THSD7A: variants seen among roughly 807,000 people sequenced by gnomAD.
THSD7A encodes the protein thrombospondin type 1 domain containing 7A.
THSD7A carries 96 observed loss-of-function variants against 231.3 expected under a neutral mutation model. That is an observed-to-expected ratio of 0.41 (90% CI 0.35 to 0.49). THSD7A has a LOEUF of 0.49. Ranked by LOEUF, THSD7A falls within the 20% of genes least tolerant of loss-of-function variation. THSD7A has a pLI of 0.05. For synonymous variants in THSD7A, 940 were observed against 743.3 expected (o/e 1.26, Z -4.30); for missense variants, 2,290 against 2,070.2 (o/e 1.11, Z -2.06).
At chr7:11,450,746 G>GT (rs1230781776) in intron 11 of THSD7A, among the ~76,000 whole-genome samples, 8 of 151,932 alleles carry the variant, frequency 5.3e-5, no homozygotes, top group Non-Finnish European at 1.2e-4. Flanking sequence ...CAGAAAATTT[G>GT]TATCTGTATT....
intron 1 of THSD7A, among the ~76,000 whole-genome samples, chr7:11,761,420 T>C (rs558934326): frequency 6.6e-5 from 10 of 152,094 alleles, no homozygotes; most frequent in Non-Finnish European, 8.8e-5. Context: ...AGAGCTTTAT[T>C]TCATAAAGAT....
At chr7:11,393,372 C>T (rs1260623064) in intron 23 of THSD7A, among the ~76,000 whole-genome samples, 2 of 152,156 alleles carry the variant, frequency 1.3e-5, no homozygotes, top group African/African-American at 4.8e-5. Flanking sequence ...AGGTAACCAA[C>T]ATCAAAGGTA....
intron 2 of THSD7A, among the ~76,000 whole-genome samples, chr7:11,628,009 T>A (rs934490618): frequency 2.0e-5 from 3 of 152,120 alleles, no homozygotes; most frequent in African/African-American, 7.2e-5. Flanking sequence ...AAAGATAACA[T>A]AAAGCCATAG....
At chr7:11,391,492 C>A (rs1314056753) in intron 23 of THSD7A, among the ~76,000 whole-genome samples, 1 of 151,906 alleles carries the variant, frequency 6.6e-6, no homozygotes, top group Non-Finnish European at 1.5e-5. Context: ...GTGCTGGCAG[C>A]GAGAATTTCA....
chr7:11,593,120 T>G (rs1780229110), intron 3 of THSD7A, 134 bp downstream of exon 3: 1 of 1,278,758 alleles, frequency 7.8e-7, no homozygotes, highest in Non-Finnish European at 1.0e-6. Flanking sequence ...AAAAAAGTTT[T>G]TTTTAAGGAT....
intron 2 of THSD7A, among the ~76,000 whole-genome samples, chr7:11,600,610 T>C (rs1024316415): frequency 6.6e-6 from 1 of 152,160 alleles, no homozygotes; most frequent in Non-Finnish European, 1.5e-5. Flanking sequence ...GTAGTTTAAC[T>C]CTTGCGCATT....
intron 6 of THSD7A, among the ~76,000 whole-genome samples, chr7:11,493,957 A>AAC (rs1185689599): frequency 2.0e-5 from 3 of 151,728 alleles, no homozygotes; most frequent in Non-Finnish European, 1.5e-5. Flanking sequence ...GCTCTGAAGA[A>AAC]ACACACACAC....
intron 6 of THSD7A, among the ~76,000 whole-genome samples, chr7:11,508,913 T>C (rs1052716394): frequency 2.6e-5 from 4 of 151,812 alleles, no homozygotes; most frequent in Non-Finnish European, 2.9e-5. Context: ...AATCAAAGAG[T>C]AGAATGGTAG....
intron 1 of THSD7A, among the ~76,000 whole-genome samples, chr7:11,775,430 T>A (rs1440594286): frequency 2.0e-5 from 3 of 152,152 alleles, no homozygotes; most frequent in Non-Finnish European, 4.4e-5. Context: ...AGTCCAAAAG[T>A]GGAAGCACCC....
chr7:11,527,646 CA>C (rs1243719467), intron 6 of THSD7A, among the ~76,000 whole-genome samples: 1 of 152,042 alleles, frequency 6.6e-6, no homozygotes, highest in African/African-American at 2.4e-5. Context: ...AGGGGTTTTG[CA>C]AATGTTTTCA....
At chr7:11,382,434 A>C in intron 24 of THSD7A, 87 bp downstream of exon 24, 1 of 1,116,530 alleles carries the variant, frequency 9.0e-7, no homozygotes, top group East Asian at 2.5e-5. Context: ...TGAAAGAGTA[A>C]CTTTGTTTCC....
At chr7:11,485,863 T>A (rs1436446161) in intron 6 of THSD7A, among the ~76,000 whole-genome samples, 8 of 152,212 alleles carry the variant, frequency 5.3e-5, no homozygotes, top group African/African-American at 1.9e-4. Flanking sequence ...GTGGGACATG[T>A]TTTGGCTCAT....
intron 2 of THSD7A, among the ~76,000 whole-genome samples, chr7:11,615,286 GATAGAGTGCAGCTTCTGGTTCTAAAGAT>G (rs1456155142): frequency 1.3e-5 from 2 of 152,160 alleles, no homozygotes; most frequent in Non-Finnish European, 2.9e-5. Flanking sequence ...TTCTTCACCA[GATAGAGTGCAGCTTCTGGTTCTAAAGAT>G]ATTGAACAGT....
At position 11,377,675 on chromosome 7, in the gene THSD7A, A is replaced by T. The variant is rs971416309; in HGVS notation, c.4802-1018T>A. On this transcript the variant is annotated intron_variant, in intron 26 of 27. Transcript: ENST00000423059. The surrounding 1 kb of genome is among the most constrained non-coding windows in gnomAD (Gnocchi z 4.5). ...GCTTTCATTTTTTAAATTTGAGCTC[A>T]GTTTAGAATCAAAAGAGCTGTTCCA... is the stretch of plus-strand genomic sequence containing the variant. Among the ~76,000 whole-genome samples, 1 of 152,076 alleles carries T rather than the reference A, an allele frequency of 6.6e-6. No individual in the cohort carries two copies. Among genetic ancestry groups the T allele is most frequent in the African/African-American group, 2.4e-5 (1 of 41,434 alleles).
intron 2 of THSD7A, among the ~76,000 whole-genome samples, chr7:11,603,468 G>T (rs1401385825): frequency 6.6e-6 from 1 of 151,996 alleles, no homozygotes; most frequent in East Asian, 1.9e-4. Flanking sequence ...AAGTCAGTGT[G>T]GCGATTCCTC....
intron 4 of THSD7A, among the ~76,000 whole-genome samples, chr7:11,562,080 G>C (rs1790101022): frequency 6.6e-6 from 1 of 152,046 alleles, no homozygotes; most frequent in Non-Finnish European, 1.5e-5. Flanking sequence ...CAGACTATTT[G>C]GTTATTTTAT....
chr7:11,460,532 G>A (rs973960660), intron 11 of THSD7A, 130 bp downstream of exon 11: 4 of 577,922 alleles, frequency 6.9e-6, no homozygotes, highest in African/African-American at 5.8e-5. Flanking sequence ...ATGTTTTGTG[G>A]AATGGCTCAT....
intron 8 of THSD7A, among the ~76,000 whole-genome samples, chr7:11,471,049 T>A (rs1583803922): frequency 6.6e-6 from 1 of 152,080 alleles, no homozygotes; most frequent in South Asian, 2.1e-4. Flanking sequence ...ATTTTTACAA[T>A]CTGATGCTAC....
At chr7:11,620,836 C>T (rs996759024) in intron 2 of THSD7A, among the ~76,000 whole-genome samples, 1 of 152,190 alleles carries the variant, frequency 6.6e-6, no homozygotes, top group Non-Finnish European at 1.5e-5. Flanking sequence ...CCATCAGGCA[C>T]TCTCAGTAAA....
Sources: allele counts gnomAD v4.1 joint callset (sites outside exome capture counted in the v4.1 genomes callset), GRCh38; gene constraint gnomAD v4.1.1; non-coding constraint Gnocchi (gnomAD v3.1); transcripts MANE v1.5; gene names NCBI Gene and HGNC (gene_info 2026-07-23, HGNC 2026-07-21).